The following MRPS27 variants were observed in gnomAD, a reference collection of about 807,000 sequenced individuals.
MRPS27 encodes the protein mitochondrial ribosomal protein S27.
A neutral mutation model predicts 48.9 loss-of-function variants in MRPS27; 43 were observed. The observed-to-expected ratio is 0.88, with a 90% CI of 0.69 to 1.13. The LOEUF is 1.13. Among genes scored for constraint, MRPS27 ranks in the 50% most tolerant of loss-of-function variants. The pLI is 0.00. For missense variants in MRPS27, 467 were observed against 476.3 expected (o/e 0.98, Z 0.18); for synonymous variants, 188 against 171.9 (o/e 1.09, Z -0.73).
At chr5:72,261,377 G>A (rs1261106664) in intron 4 of MRPS27, among the ~76,000 whole-genome samples, 4 of 152,014 alleles carry the variant, frequency 2.6e-5, no homozygotes, top group South Asian at 2.1e-4. Flanking sequence ...TCAGCCTCCC[G>A]AGTGGCTGGG....
At chr5:72,273,650 T>A (rs1343222477) in intron 4 of MRPS27, among the ~76,000 whole-genome samples, 1 of 152,110 alleles carries the variant, frequency 6.6e-6, no homozygotes, top group African/African-American at 2.4e-5. Flanking sequence ...AAAGGTACAA[T>A]AAAAATATGG....
chr5:72,242,587 CT>C (rs1748385342), intron 4 of MRPS27, among the ~76,000 whole-genome samples: 1 of 150,834 alleles, frequency 6.6e-6, no homozygotes, highest in Admixed American at 6.6e-5. Context: ...AATCCCAGCA[CT>C]TTTGGTGGGT....
chr5:72,221,176 A>G, intron 10 of MRPS27, 28 bp from the exon 11 acceptor site: 9 of 1,610,626 alleles, frequency 5.6e-6, no homozygotes, highest in Non-Finnish European at 7.6e-6. Context: ...GAAAAATGAG[A>G]AGAAAGGTAG....
intron 2 of MRPS27, among the ~76,000 whole-genome samples, chr5:72,306,186 T>C (rs1445722227): frequency 6.6e-6 from 1 of 152,220 alleles, no homozygotes; most frequent in African/African-American, 2.4e-5. Context: ...AAGTAAACTG[T>C]TGATGAATGG....
chr5:72,263,365 G>A (rs1423350264), intron 4 of MRPS27, among the ~76,000 whole-genome samples: 1 of 151,686 alleles, frequency 6.6e-6, no homozygotes, highest in Non-Finnish European at 1.5e-5. Flanking sequence ...ACTGAATTTA[G>A]CAATGGATTT....
Position 72,221,044 on chromosome 5 carries a change from C to G in MRPS27, c.1110G>C (p.Glu370Asp). ...GATTCTGCTCATAGGTGGCGATGTC[C>G]TCTGCTTCACAGGTGGAGAGTTTTT... Reference protein sequence around the residue: ...VKEKLSTCEAEDIATYEQNLQ... With the variant: ...VKEKLSTCEADDIATYEQNLQ... The change falls in exon 11 of 11, where the codon GAG (glutamate) becomes GAC (aspartate). Residue 370 changes from glutamate to aspartate, a missense_variant. By Grantham distance (45) the Glu-to-Asp change is conservative. Transcript: ENST00000261413. 1 of 1,614,184 alleles carries G rather than the reference C, an allele frequency of 6.2e-7. No homozygotes were observed.
In MRPS27 at chr5:72,228,378, A is replaced by G. The variant is rs756027358; in HGVS notation, c.592-10T>C. The G allele has an allele frequency of 6.3e-7, 1 of 1,585,522 alleles. No individual in the cohort carries two copies. The highest frequency in any genetic ancestry group is 2.2e-5 in the East Asian group (1 of 44,760). On this transcript the variant is annotated splice_polypyrimidine_tract_variant and intron_variant, in intron 7 of 10. Transcript: ENST00000261413. ...TCCTCTCCTCTTCCCACTGCAACAGAATATACTGGATCATGATCCATCTAA... is the reference window on the plus strand; with the variant it reads ...TCCTCTCCTCTTCCCACTGCAACAGGATATACTGGATCATGATCCATCTAA...
chr5:72,300,363 G>A (rs947408642), intron 2 of MRPS27, among the ~76,000 whole-genome samples: 5 of 152,174 alleles, frequency 3.3e-5, no homozygotes, highest in Non-Finnish European at 7.3e-5. Flanking sequence ...GTCCCTAGGT[G>A]ATCTCATTCT....
chr5:72,249,753 G>A (rs1469263672), intron 4 of MRPS27, among the ~76,000 whole-genome samples: 2 of 151,628 alleles, frequency 1.3e-5, no homozygotes, highest in Non-Finnish European at 2.9e-5. Flanking sequence ...AGGCCGAGGC[G>A]GGTGGATCAC....
chr5:72,305,427 A>AGCTAAAATGGAAGAAGT (rs1221785400), intron 2 of MRPS27, among the ~76,000 whole-genome samples: 1 of 152,232 alleles, frequency 6.6e-6, no homozygotes, highest in African/African-American at 2.4e-5. Flanking sequence ...ACTAAATCTC[A>AGCTAAAATGGAAGAAGT]GCTAAAATGG....
At chr5:72,222,920 T>C (rs1366610356) in intron 10 of MRPS27, among the ~76,000 whole-genome samples, 1 of 152,198 alleles carries the variant, frequency 6.6e-6, no homozygotes, top group Admixed American at 6.6e-5. Flanking sequence ...CTAGCAAAGT[T>C]TACATCTTAT....
At chr5:72,243,087 C>A (rs1748403966) in intron 4 of MRPS27, among the ~76,000 whole-genome samples, 1 of 152,184 alleles carries the variant, frequency 6.6e-6, no homozygotes, top group East Asian at 1.9e-4. Flanking sequence ...CAGATGGGAA[C>A]CTCAGCCACG....
intron 4 of MRPS27, among the ~76,000 whole-genome samples, chr5:72,278,588 A>G (rs1001581553): frequency 1.3e-5 from 2 of 152,128 alleles, no homozygotes; most frequent in African/African-American, 4.8e-5. Flanking sequence ...TCATAGGTAG[A>G]TAATACCTTG....
chr5:72,225,529 G>A (rs1747868971), intron 9 of MRPS27, among the ~76,000 whole-genome samples: 2 of 152,250 alleles, frequency 1.3e-5, no homozygotes, highest in Admixed American at 6.5e-5. Flanking sequence ...GGGGCTGGTG[G>A]GAGAGTAGTG....
At chr5:72,262,478 G>A (rs998382910) in intron 4 of MRPS27, among the ~76,000 whole-genome samples, 3 of 152,246 alleles carry the variant, frequency 2.0e-5, no homozygotes, top group East Asian at 1.9e-4. Context: ...TAAATACTCA[G>A]TATATACTGA....
chr5:72,223,808 C>T lies in MRPS27; in HGVS notation c.880G>A (p.Asp294Asn), dbSNP rs1339892631. The change falls in exon 10 of 11, where the codon GAT becomes AAT. Residue 294 changes from aspartate to asparagine, a missense_variant. Transcript: ENST00000261413. Reference protein sequence around the residue: ...GAVLKALTSADGASEEQSQND... With the variant: ...GAVLKALTSANGASEEQSQND... Reference sequence around the variant, plus strand: ...TGGGACTGCTCCTCTGAAGCCCCATCAGCTGAAGTCAGAGCCTTCAGCACT... The same window carrying T: ...TGGGACTGCTCCTCTGAAGCCCCATTAGCTGAAGTCAGAGCCTTCAGCACT... 1.9e-6 allele frequency: 3 copies of T among 1,614,036 alleles called. No homozygotes were observed. The highest frequency in any genetic ancestry group is 1.7e-4 in the Middle Eastern group (1 of 6,058).
At chr5:72,237,554 T>C (rs1400459535) in intron 5 of MRPS27, among the ~76,000 whole-genome samples, 1 of 152,188 alleles carries the variant, frequency 6.6e-6, no homozygotes, top group Non-Finnish European at 1.5e-5. Context: ...ATTTACTGCA[T>C]ACAGTGGAAT....
At position 72,314,172 on chromosome 5, in the gene MRPS27, C is replaced by A. The variant is rs370180866; in HGVS notation, c.74-14G>T. 4.4e-5 allele frequency: 70 copies of A among 1,592,156 alleles called. No individual in the cohort carries two copies. Among genetic ancestry groups the A allele is most frequent in the Non-Finnish European group, 5.3e-5 (61 of 1,161,272 alleles). On this transcript the variant is annotated splice_polypyrimidine_tract_variant and intron_variant, in intron 1 of 10. Transcript: ENST00000261413. ...GGTATCTTTTACCTGAGAAAATAGG[C>A]AATTATTTCAACACACATGGTTTTA...
At chr5:72,252,341 G>A (rs543955961) in intron 4 of MRPS27, among the ~76,000 whole-genome samples, 74 of 151,322 alleles carry the variant, frequency 4.9e-4, no homozygotes, top group Non-Finnish European at 9.9e-4. Flanking sequence ...TTTTTTTTCT[G>A]AGCATTTAGA....
Sources: gnomAD v4.1 joint callset for allele counts (sites outside exome capture counted in the v4.1 genomes callset) on GRCh38, gnomAD v4.1.1 for gene constraint, MANE v1.5 for transcripts, NCBI Gene and HGNC (gene_info 2026-07-23, HGNC 2026-07-21) for gene names.